PIK3R3: variants seen among roughly 807,000 people sequenced by gnomAD.
PIK3R3 encodes the protein phosphatidylinositol 3-kinase regulatory subunit gamma.
In PIK3R3, 64 loss-of-function variants were observed where a neutral mutation model predicts 62.9. That is an observed-to-expected ratio of 1.02 (90% CI 0.83 to 1.25). The LOEUF is 1.25. PIK3R3 is among the 50% of genes most tolerant of loss of function. The pLI is 0.00. For synonymous variants in PIK3R3, 165 were observed against 189.0 expected, an observed-to-expected ratio of 0.87 and a Z score of 1.04; for missense variants, 614 against 561.6, an observed-to-expected ratio of 1.09 and a Z score of -0.94.
chr1:46,103,523 C>T (rs1316227586), intron 1 of PIK3R3, among the ~76,000 whole-genome samples: 2 of 151,818 alleles, frequency 1.3e-5, no homozygotes, highest in African/African-American at 2.4e-5. Flanking sequence ...GAGCCAAGAC[C>T]GTGCTACTGC....
the PIK3R3 span, among the ~76,000 whole-genome samples, chr1:46,148,589 T>A: frequency 6.6e-6 from 1 of 152,200 alleles, no homozygotes; most frequent in Non-Finnish European, 1.5e-5. Context: ...GCCTAGGTCA[T>A]GTAGCCACCC....
At chr1:46,061,433 ACAATTTATT>A (rs1161881074) in intron 6 of PIK3R3, among the ~76,000 whole-genome samples, 22 of 152,322 alleles carry the variant, frequency 1.4e-4, no homozygotes, top group African/African-American at 5.3e-4. Flanking sequence ...TTGTTCTACT[ACAATTTATT>A]CTCAGACTGC....
chr1:46,165,090 C>A, the PIK3R3 span, among the ~76,000 whole-genome samples: 3 of 152,014 alleles, frequency 2.0e-5, no homozygotes, highest in African/African-American at 7.3e-5. Context: ...GAGTAACTTC[C>A]TCCCTTTGTT....
chr1:46,070,641 T>C (rs937032912), intron 3 of PIK3R3, among the ~76,000 whole-genome samples: 5 of 152,220 alleles, frequency 3.3e-5, no homozygotes, highest in Non-Finnish European at 7.3e-5. Context: ...TCACGTCCCC[T>C]TCTCCACATT....
chr1:46,145,594 C>A, the PIK3R3 span, among the ~76,000 whole-genome samples: 4 of 152,114 alleles, frequency 2.6e-5, no homozygotes, highest in African/African-American at 7.2e-5. Context: ...GAATTCAAGA[C>A]CTCACTCACC....
intron 1 of PIK3R3, among the ~76,000 whole-genome samples, chr1:46,083,173 C>A (rs901049702): frequency 6.6e-6 from 1 of 152,114 alleles, no homozygotes; most frequent in Non-Finnish European, 1.5e-5. Flanking sequence ...TTCTTTTTAA[C>A]AAATTGTTCT....
upstream of PIK3R3, among the ~76,000 whole-genome samples, chr1:46,137,979 C>G (rs1655988943): frequency 6.6e-6 from 1 of 152,138 alleles, no homozygotes; most frequent in Admixed American, 6.5e-5. Context: ...CAGACAATGA[C>G]CTTTCCCTCC....
At chr1:46,167,857 A>G in the PIK3R3 span, among the ~76,000 whole-genome samples, 1 of 152,160 alleles carries the variant, frequency 6.6e-6, no homozygotes, top group Admixed American at 6.5e-5. Flanking sequence ...TTTAAGCCCA[A>G]TTTAAAAACT....
the PIK3R3 span, among the ~76,000 whole-genome samples, chr1:46,153,837 G>A: frequency 2.4e-4 from 36 of 152,340 alleles, no homozygotes; most frequent in African/African-American, 8.4e-4. Context: ...CCTAGTCAGT[G>A]CTGCTTAACT....
chr1:46,172,821 C>T, the PIK3R3 span, among the ~76,000 whole-genome samples: 2 of 151,974 alleles, frequency 1.3e-5, no homozygotes, highest in African/African-American at 4.8e-5. Context: ...GGCAAAACCC[C>T]ATCTCTACTA....
intron 1 of PIK3R3, among the ~76,000 whole-genome samples, chr1:46,131,005 A>G (rs1157396588): frequency 6.6e-6 from 1 of 152,232 alleles, no homozygotes; most frequent in African/African-American, 2.4e-5. Context: ...GAGCTTTAAA[A>G]TAAAAATATA....
intron 1 of PIK3R3, among the ~76,000 whole-genome samples, chr1:46,086,263 T>C (rs532539143): frequency 1.6e-4 from 24 of 152,292 alleles, no homozygotes; most frequent in Admixed American, 1.4e-3. Flanking sequence ...TAGGTATGTA[T>C]GTATATTGTA....
chr1:46,055,766 C>G, intron 7 of PIK3R3, 29 bp downstream of exon 7: 1 of 1,483,040 alleles, frequency 6.7e-7, no homozygotes, highest in East Asian at 2.3e-5. Flanking sequence ...ACTAACGTCT[C>G]CCTCCCCATA....
At chr1:46,106,469 A>C (rs1397875436) in intron 1 of PIK3R3, among the ~76,000 whole-genome samples, 1 of 152,130 alleles carries the variant, frequency 6.6e-6, no homozygotes, top group African/African-American at 2.4e-5. Context: ...CAAAAATCTC[A>C]ATCTTTGGTT....
intron 1 of PIK3R3, among the ~76,000 whole-genome samples, chr1:46,102,357 C>G (rs1652777593): frequency 6.6e-6 from 1 of 152,124 alleles, no homozygotes; most frequent in African/African-American, 2.4e-5. Flanking sequence ...TTAAAAATTA[C>G]ATTTGTTATC....
upstream of PIK3R3, among the ~76,000 whole-genome samples, chr1:46,137,865 C>T (rs1655985309): frequency 6.6e-6 from 1 of 152,184 alleles, no homozygotes; most frequent in African/African-American, 2.4e-5. Context: ...TCAAATTATC[C>T]TAGTAATCCT....
chr1:46,149,240 T>C, the PIK3R3 span, among the ~76,000 whole-genome samples: 1 of 151,778 alleles, frequency 6.6e-6, no homozygotes, highest in Non-Finnish European at 1.5e-5. Context: ...CTGGGCAACA[T>C]AGTGAAACCC....
At chr1:46,169,010 G>A in the PIK3R3 span, among the ~76,000 whole-genome samples, 1 of 152,132 alleles carries the variant, frequency 6.6e-6, no homozygotes, top group Non-Finnish European at 1.5e-5. Context: ...CAAATAGAAG[G>A]AACCTTGGTT....
upstream of PIK3R3, among the ~76,000 whole-genome samples, chr1:46,135,344 T>C (rs1170079215): frequency 1.3e-5 from 2 of 152,196 alleles, no homozygotes; most frequent in Admixed American, 1.3e-4. Flanking sequence ...CTCCCTTTCT[T>C]TTTTTAATTT....
Sources: allele counts gnomAD v4.1 joint callset (sites outside exome capture counted in the v4.1 genomes callset), GRCh38; gene constraint gnomAD v4.1.1; transcripts MANE v1.5; gene names NCBI Gene and HGNC (gene_info 2026-07-23, HGNC 2026-07-21).